MALRD1: variants seen among roughly 807,000 people sequenced by gnomAD.
MALRD1 encodes MAM and LDL-receptor class A domain-containing protein 1.
A neutral mutation model predicts 242.1 loss-of-function variants in MALRD1; 247 were observed. The observed-to-expected ratio is 1.02, with a 90% CI of 0.92 to 1.13. The LOEUF is 1.13. Ranked by LOEUF, MALRD1 falls within the 50% of genes most tolerant of loss-of-function variation. MALRD1 has a pLI of 0.00. For missense variants in MALRD1, 2,989 were observed against 2,533.1 expected (o/e 1.18, Z -3.86); for synonymous variants, 995 against 866.6 (o/e 1.15, Z -2.60).
intron 26 of MALRD1, among the ~76,000 whole-genome samples, chr10:19,357,983 AG>A (rs1844709728): frequency 1.3e-5 from 2 of 152,278 alleles, no homozygotes; most frequent in South Asian, 4.1e-4. Context: ...TTAAGTCCCT[AG>A]GAGTCACATT....
chr10:19,075,646 T>C (rs528676355), intron 2 of MALRD1, among the ~76,000 whole-genome samples: 25 of 152,006 alleles, frequency 1.6e-4, no homozygotes, highest in Non-Finnish European at 2.9e-4. Context: ...GCCAACCACT[T>C]CAATGAGCTT....
At chr10:19,694,452 G>A (rs11011121) in intron 38 of MALRD1, among the ~76,000 whole-genome samples, 56,051 of 152,038 alleles carry the variant, frequency 0.37, 11,368 homozygotes, top group South Asian at 0.46. Context: ...CATTTATGCA[G>A]CCAACAGACA....
chr10:19,157,328 A>G (rs1473929507), intron 12 of MALRD1, among the ~76,000 whole-genome samples: 1 of 144,278 alleles, frequency 6.9e-6, no homozygotes, highest in Admixed American at 7.2e-5. Context: ...GCTGGAGTGC[A>G]GTGGCGCAAT....
intron 29 of MALRD1, among the ~76,000 whole-genome samples, chr10:19,479,557 A>G (rs563426278): frequency 6.6e-6 from 1 of 152,236 alleles, no homozygotes; most frequent in Non-Finnish European, 1.5e-5. Context: ...TGAGAATTAC[A>G]TGAGTTAATA....
intron 18 of MALRD1, among the ~76,000 whole-genome samples, chr10:19,228,442 AT>A: frequency 6.6e-6 from 1 of 152,288 alleles, no homozygotes; most frequent in Middle Eastern, 3.4e-3. Flanking sequence ...GATGATGCAG[AT>A]TTTCTGTATC....
intron 21 of MALRD1, among the ~76,000 whole-genome samples, chr10:19,299,541 C>T (rs1314905624): frequency 6.6e-6 from 1 of 151,780 alleles, no homozygotes; most frequent in East Asian, 1.9e-4. Flanking sequence ...TCTTAGAGAC[C>T]TACAAATAGA....
chr10:19,237,949 A>T (rs374191674), intron 18 of MALRD1, among the ~76,000 whole-genome samples: 29 of 7,302 alleles, frequency 4.0e-3, no homozygotes, highest in Admixed American at 8.5e-3. Context: ...CAGTTATATA[A>T]ATTATATGTA....
chr10:19,392,704 G>A (rs1424334713), intron 28 of MALRD1, among the ~76,000 whole-genome samples: 1 of 151,994 alleles, frequency 6.6e-6, no homozygotes, highest in Non-Finnish European at 1.5e-5. Flanking sequence ...ATAATAAGAG[G>A]ATCAAAAAAA....
intron 28 of MALRD1, among the ~76,000 whole-genome samples, chr10:19,434,581 T>C (rs547483901): frequency 1.3e-5 from 2 of 152,136 alleles, no homozygotes; most frequent in South Asian, 2.1e-4. Flanking sequence ...TAAAGAATTA[T>C]ATATATTAAT....
At chr10:19,374,709 A>G (rs138581073) in intron 26 of MALRD1, among the ~76,000 whole-genome samples, 22 of 152,268 alleles carry the variant, frequency 1.4e-4, no homozygotes, top group East Asian at 5.8e-4. Flanking sequence ...AGGATCCACA[A>G]TGGTGGTATG....
At chr10:19,350,928 C>G (rs1844346786) in intron 25 of MALRD1, among the ~76,000 whole-genome samples, 1 of 152,056 alleles carries the variant, frequency 6.6e-6, no homozygotes, top group African/African-American at 2.4e-5. Context: ...TCACCGGTAC[C>G]AGGACAATCC....
intron 36 of MALRD1, among the ~76,000 whole-genome samples, chr10:19,634,198 CAAA>C (rs1840030073): frequency 6.6e-6 from 1 of 152,044 alleles, no homozygotes; most frequent in Non-Finnish European, 1.5e-5. Context: ...ACACTGAAAT[CAAA>C]AAGTTATTCC....
At chr10:19,429,536 C>T (rs139728532) in intron 28 of MALRD1, among the ~76,000 whole-genome samples, 7 of 152,212 alleles carry the variant, frequency 4.6e-5, no homozygotes, top group Non-Finnish European at 1.0e-4. Context: ...TGTACCCCAG[C>T]CTGGGCAACA....
At chr10:19,483,042 T>G (rs1837079335) in intron 29 of MALRD1, among the ~76,000 whole-genome samples, 1 of 151,964 alleles carries the variant, frequency 6.6e-6, no homozygotes, top group African/African-American at 2.4e-5. Flanking sequence ...GACTTCAAAC[T>G]GTATTATAAG....
At chr10:19,380,277 C>T (rs1430339757) in intron 26 of MALRD1, among the ~76,000 whole-genome samples, 5 of 140,678 alleles carry the variant, frequency 3.6e-5, no homozygotes, top group Admixed American at 7.1e-5. Context: ...GGCCAGCCTT[C>T]TTTTTTTTTT....
At chr10:19,530,346 AAATATAT>A (rs1305545201) in intron 31 of MALRD1, among the ~76,000 whole-genome samples, 1,931 of 128,848 alleles carry the variant, frequency 0.015, 42 homozygotes, top group East Asian at 0.04. Flanking sequence ...ATATTTATAT[AAATATAT>A]AATATTTATA....
intron 36 of MALRD1, among the ~76,000 whole-genome samples, chr10:19,646,980 A>T (rs1482297347): frequency 6.6e-6 from 1 of 152,202 alleles, no homozygotes; most frequent in Non-Finnish European, 1.5e-5. Flanking sequence ...GTAATTGAGC[A>T]GACAGGAGAA....
chr10:19,454,404 T>TTATATATA (rs1564356457), intron 29 of MALRD1, among the ~76,000 whole-genome samples: 4 of 30,404 alleles, frequency 1.3e-4, no homozygotes, highest in Admixed American at 2.4e-4. Context: ...ATTATGCATA[T>TTATATATA]GATATATATA....
chr10:19,109,168 G>A (rs1297113226), intron 5 of MALRD1, among the ~76,000 whole-genome samples: 2 of 152,186 alleles, frequency 1.3e-5, no homozygotes, highest in Non-Finnish European at 2.9e-5. Context: ...CAGGTTATAG[G>A]AGTTTGTGCA....
Sources: gnomAD v4.1 joint callset for allele counts (sites outside exome capture counted in the v4.1 genomes callset) on GRCh38, gnomAD v4.1.1 for gene constraint, MANE v1.5 for transcripts, NCBI Gene and HGNC (gene_info 2026-07-23, HGNC 2026-07-21) for gene names.